RCAN2: variants seen among roughly 807,000 people sequenced by gnomAD.
RCAN2 encodes calcipressin-2.
Under a neutral mutation model 23.6 loss-of-function variants are expected in RCAN2, and 9 were observed. The ratio of observed to expected loss-of-function variants is 0.38; its 90% CI spans 0.23 to 0.67. The LOEUF (loss-of-function observed/expected upper bound fraction) is 0.67. RCAN2 is among the 30% of genes least tolerant of loss of function. The pLI, the probability that RCAN2 is intolerant of heterozygous loss-of-function variation, is 0.51. For synonymous variants in RCAN2, 109 were observed against 115.7 expected, an observed-to-expected ratio of 0.94 and a Z score of 0.37; for missense variants, 273 against 302.3, an observed-to-expected ratio of 0.90 and a Z score of 0.72.
At chr6:46,405,525 CAG>C (rs1766373603) in intron 2 of RCAN2, among the ~76,000 whole-genome samples, 1 of 152,018 alleles carries the variant, frequency 6.6e-6, no homozygotes, top group South Asian at 2.1e-4. Context: ...TAGTTAGATA[CAG>C]AGTTTCAACA....
At position 46,343,540 on chromosome 6, in the gene RCAN2, T is replaced by G. The variant is rs530727587; in HGVS notation, c.226-94644A>C. On this transcript the variant is annotated intron_variant, in intron 2 of 4. Coordinates refer to ENST00000371374, the MANE Select transcript of RCAN2 (RefSeq NM_001251974.2). ...ACAGGTGCCCGTCACCACGCCCAGCTAATTTTTTGTATTTTTAGTAGAGAC... is the reference window on the plus strand; with the variant it reads ...ACAGGTGCCCGTCACCACGCCCAGCGAATTTTTTGTATTTTTAGTAGAGAC... 6.8e-4 allele frequency among the ~76,000 whole-genome samples: 103 copies of G among 152,114 alleles called. 1 individual carries two copies. Among genetic ancestry groups the G allele is most frequent in the African/African-American group, 2.4e-3 (99 of 41,498 alleles).
At chr6:46,233,997 G>A (rs1766001715) in intron 4 of RCAN2, among the ~76,000 whole-genome samples, 1 of 152,134 alleles carries the variant, frequency 6.6e-6, no homozygotes, top group Admixed American at 6.5e-5. Flanking sequence ...CCAAAGTGCT[G>A]AGATTACAGG....
chr6:46,336,545 C>T (rs954351725), intron 2 of RCAN2, among the ~76,000 whole-genome samples: 1 of 152,052 alleles, frequency 6.6e-6, no homozygotes, highest in African/African-American at 2.4e-5. Context: ...TGTTTAAAGA[C>T]CAGTGAACAG....
intron 2 of RCAN2, among the ~76,000 whole-genome samples, chr6:46,345,628 C>G (rs755889492): frequency 6.6e-6 from 1 of 152,130 alleles, no homozygotes; most frequent in Admixed American, 6.5e-5. Context: ...AAGGTCAAAA[C>G]TATTTTCAAA....
At chr6:46,254,381 G>A (rs959718468) in intron 2 of RCAN2, among the ~76,000 whole-genome samples, 5 of 152,148 alleles carry the variant, frequency 3.3e-5, no homozygotes, top group African/African-American at 1.2e-4. Context: ...AAGGAAGTGT[G>A]ATAATACTGG....
At chr6:46,345,431 G>A (rs1443426203) in intron 2 of RCAN2, among the ~76,000 whole-genome samples, 1 of 152,084 alleles carries the variant, frequency 6.6e-6, no homozygotes, top group Admixed American at 6.5e-5. Flanking sequence ...TCCAACAACT[G>A]CAGAACATAC....
intron 2 of RCAN2, among the ~76,000 whole-genome samples, chr6:46,357,318 C>T (rs1286258637): frequency 6.6e-6 from 1 of 152,092 alleles, no homozygotes; most frequent in Admixed American, 6.5e-5. Flanking sequence ...TCCATTTCTG[C>T]TTATGCCATT....
In RCAN2 at chr6:46,223,174, C is replaced by T. The variant is rs773759324; in HGVS notation, c.699G>A (p.Arg233=). 6.2e-7 allele frequency: 1 copy of T among 1,613,616 alleles called. No homozygotes were observed. The highest frequency in any genetic ancestry group is 1.1e-5 in the South Asian group (1 of 91,048). The change falls in exon 5 of 5, where the codon CGG becomes CGA. Residue 233 remains arginine, a synonymous_variant. Transcript: ENST00000371374. The part of the protein sequence containing the change: ...TSPKPKIIQT[R]RPGLPPSVSN ...ACACGGAGGGTGGCAGGCCAGGACG[C>T]CGAGTTTGGATGATTTTTGGCTTTG...
At chr6:46,336,769 C>T (rs1373083237) in intron 2 of RCAN2, among the ~76,000 whole-genome samples, 1 of 152,130 alleles carries the variant, frequency 6.6e-6, no homozygotes, top group African/African-American at 2.4e-5. Flanking sequence ...ATGTTGGTGA[C>T]TCCAAAACTC....
chr6:46,420,420 G>A (rs1369128854), intron 2 of RCAN2, among the ~76,000 whole-genome samples: 2 of 152,116 alleles, frequency 1.3e-5, no homozygotes, highest in Admixed American at 6.6e-5. Flanking sequence ...TTCAGCAACA[G>A]CAGTAATCAC....
At chr6:46,273,914 T>C (rs968053753) in intron 2 of RCAN2, among the ~76,000 whole-genome samples, 1 of 152,086 alleles carries the variant, frequency 6.6e-6, no homozygotes, top group Admixed American at 6.5e-5. Context: ...AGCCTAATCC[T>C]TGCATTTTGT....
chr6:46,286,797 G>A (rs559992217), intron 2 of RCAN2, among the ~76,000 whole-genome samples: 21 of 152,218 alleles, frequency 1.4e-4, no homozygotes, highest in African/African-American at 5.1e-4. Context: ...GAGGTCAGGA[G>A]TTTGAGACGA....
At chr6:46,420,749 G>T (rs1766863015) in intron 2 of RCAN2, among the ~76,000 whole-genome samples, 1 of 151,920 alleles carries the variant, frequency 6.6e-6, no homozygotes, top group Non-Finnish European at 1.5e-5. Flanking sequence ...GTTTTATCAT[G>T]TTGGCCAGGC....
At chr6:46,248,617 A>T in intron 3 of RCAN2, 106 bp downstream of exon 3, 1 of 894,620 alleles carries the variant, frequency 1.1e-6, no homozygotes, top group East Asian at 2.7e-5. Context: ...GAATTAATTT[A>T]TAGACTACCA....
Position 46,309,462 on chromosome 6 carries a change from C to T in RCAN2, c.226-60566G>A, listed in dbSNP as rs564731761. Among the ~76,000 whole-genome samples the T allele has an allele frequency of 6.6e-5, 10 of 152,250 alleles. No individual in the cohort carries two copies. The South Asian group carries it at 2.1e-3, about 32-fold the overall frequency. On this transcript the variant is annotated intron_variant, in intron 2 of 4. Coordinates refer to ENST00000371374, the MANE Select transcript of RCAN2 (RefSeq NM_001251974.2). ...TGATTTCCCTTACCCCCATTTTCTC[C>T]TTTCTTCTAGCTAGGCTGGACTCCA...
At position 46,366,150 on chromosome 6, in the gene RCAN2, C is replaced by T. The variant is rs144853267; in HGVS notation, c.225+90602G>A. Among the ~76,000 whole-genome samples, 218 of 152,280 alleles carry T rather than the reference C, an allele frequency of 1.4e-3. 2 individuals are homozygous for T. The highest frequency in any genetic ancestry group is 0.012 in the Admixed American group (186 of 15,294). On this transcript the variant is annotated intron_variant, in intron 2 of 4. Transcript: ENST00000371374. ...AAGCAATCACCCAGAACCAATACAG[C>T]GTGGTTACTTCTCAATTTGTACCTT...
At chr6:46,394,807 C>T (rs1263643317) in intron 2 of RCAN2, among the ~76,000 whole-genome samples, 1 of 152,162 alleles carries the variant, frequency 6.6e-6, no homozygotes, top group East Asian at 1.9e-4. Flanking sequence ...GACCAATACA[C>T]AGGCTATTGA....
chr6:46,471,671 G>A (rs1368681348), intron 1 of RCAN2, among the ~76,000 whole-genome samples: 1 of 152,048 alleles, frequency 6.6e-6, no homozygotes, highest in Non-Finnish European at 1.5e-5. Context: ...CAGGGGAGAG[G>A]GGAATAAAAT....
chr6:46,370,936 CTATT>C lies in RCAN2; in HGVS notation c.225+85812_225+85815del, dbSNP rs141682199. Among the ~76,000 whole-genome samples, 1,368 of 152,282 alleles carry C rather than the reference CTATT, an allele frequency of 9.0e-3. 20 individuals carry two copies. The highest frequency in any genetic ancestry group is 0.031 in the African/African-American group (1,305 of 41,560). On this transcript the variant is annotated intron_variant, in intron 2 of 4. Coordinates refer to ENST00000371374, the MANE Select transcript of RCAN2 (RefSeq NM_001251974.2). ...AGGCTTCCTTCTTCCTCAATTTACA[CTATT>C]TAGTGAGCTAGCTTCTGGGGATTTA...
Sources: allele counts gnomAD v4.1 joint callset (sites outside exome capture counted in the v4.1 genomes callset), GRCh38; gene constraint gnomAD v4.1.1; transcripts MANE v1.5; gene names NCBI Gene and HGNC (gene_info 2026-07-23, HGNC 2026-07-21).